The following RBFOX1 variants were observed in gnomAD, a reference collection of about 807,000 sequenced individuals.
RBFOX1 encodes RNA binding fox-1 homolog 1, also known as RNA binding protein fox-1 homolog 1.
In RBFOX1, 8 loss-of-function variants were observed where a neutral mutation model predicts 57.7. That is an observed-to-expected ratio of 0.14 (90% CI 0.08 to 0.25). RBFOX1 has a LOEUF of 0.25. Ranked by LOEUF, RBFOX1 falls within the 10% of genes least tolerant of loss-of-function variation. RBFOX1 has a pLI of 1.00. For missense variants in RBFOX1, 611 were observed against 548.5 expected (o/e 1.11, Z -1.14); for synonymous variants, 326 against 222.4 (o/e 1.47, Z -4.15).
intron 1 of RBFOX1, among the ~76,000 whole-genome samples, chr16:6,096,374 C>T (rs2096245560): frequency 1.3e-5 from 2 of 152,290 alleles, no homozygotes; most frequent in South Asian, 4.1e-4. Flanking sequence ...ATGTGCACCC[C>T]ACTATGTTTG....
chr16:7,048,999 C>T (rs1288252244), intron 3 of RBFOX1, among the ~76,000 whole-genome samples: 3 of 152,130 alleles, frequency 2.0e-5, no homozygotes, highest in Non-Finnish European at 4.4e-5. Flanking sequence ...GGGCAGTAGT[C>T]TATTCCTTAG....
In RBFOX1 at chr16:5,656,022, G is replaced by A. The variant is rs190515407; in HGVS notation, c.318+57061G>A. ...TCACAGTGTTGGACTTGTAGTACGT[G>A]CTCGTTAAAAGCTTGTGGAAAGATT... On this transcript the variant is annotated intron_variant, in intron 3 of 19. Coordinates refer to the RBFOX1 transcript ENST00000641259. Among the ~76,000 whole-genome samples the A allele has an allele frequency of 3.1e-3, 479 of 152,304 alleles. 1 individual carries two copies. The highest frequency in any genetic ancestry group is 5.2e-3 in the Non-Finnish European group (351 of 68,030).
intron 3 of RBFOX1, among the ~76,000 whole-genome samples, chr16:6,910,301 G>C (rs1050506253): frequency 6.6e-6 from 1 of 152,000 alleles, no homozygotes; most frequent in South Asian, 2.1e-4. Context: ...TGGGCACAGA[G>C]AATCTTTTTA....
At chr16:5,437,830 T>C (rs916086392) in intron 1 of RBFOX1, among the ~76,000 whole-genome samples, 18 of 152,216 alleles carry the variant, frequency 1.2e-4, no homozygotes, top group African/African-American at 4.1e-4. Flanking sequence ...TCTTCTTTCA[T>C]ATTAAAAATA....
At chr16:6,403,996 C>G (rs2093180104) in intron 2 of RBFOX1, among the ~76,000 whole-genome samples, 2 of 152,214 alleles carry the variant, frequency 1.3e-5, no homozygotes, top group Middle Eastern at 6.8e-3. Flanking sequence ...GCTGGCACTC[C>G]AATATCAAAC....
In RBFOX1 at chr16:7,579,767, G is replaced by C. The variant is rs753640443; in HGVS notation, c.271-10G>C. On this transcript the variant is annotated splice_polypyrimidine_tract_variant and intron_variant, in intron 5 of 15. Coordinates refer to ENST00000550418, the MANE Select transcript of RBFOX1 (RefSeq NM_018723.4). ...CTGAGAACCTCTTCGGTTTCTTCTTGTTCTTTTAGCAGACAGATGACGCAG... is the reference window on the plus strand; with the variant it reads ...CTGAGAACCTCTTCGGTTTCTTCTTCTTCTTTTAGCAGACAGATGACGCAG... The C allele has an allele frequency of 1.9e-6, 3 of 1,614,046 alleles. No homozygotes were observed. In the South Asian group the frequency reaches 3.3e-5, roughly 18 times the overall value.
chr16:5,817,868 T>G (rs2055699342), intron 3 of RBFOX1, among the ~76,000 whole-genome samples: 1 of 152,032 alleles, frequency 6.6e-6, no homozygotes, highest in South Asian at 2.1e-4. Flanking sequence ...TTTTTTGTAT[T>G]TTTAGTAGAG....
chr16:7,165,933 T>TACACACACAC (rs889669390), intron 4 of RBFOX1, among the ~76,000 whole-genome samples: 1,728 of 143,226 alleles, frequency 0.012, 18 homozygotes, highest in Non-Finnish European at 0.016. Context: ...CGCATGCACA[T>TACACACACAC]ACACACACAC....
chr16:7,033,788 C>G (rs572590455), intron 3 of RBFOX1, among the ~76,000 whole-genome samples: 1 of 152,126 alleles, frequency 6.6e-6, no homozygotes, highest in African/African-American at 2.4e-5. Context: ...AGTAACATAG[C>G]AAAACCTCAT....
chr16:5,633,316 C>T (rs1306074026), intron 3 of RBFOX1, among the ~76,000 whole-genome samples: 1 of 152,150 alleles, frequency 6.6e-6, no homozygotes, highest in Non-Finnish European at 1.5e-5. Flanking sequence ...CTTCTGGTTT[C>T]TTTTCTCATT....
intron 3 of RBFOX1, among the ~76,000 whole-genome samples, chr16:6,721,139 G>A (rs573209738): frequency 9.1e-4 from 138 of 152,190 alleles, no homozygotes; most frequent in South Asian, 2.3e-3. Context: ...TAAAGTACAC[G>A]TAACATAAAA....
intron 10 of RBFOX1, among the ~76,000 whole-genome samples, chr16:7,609,904 G>A (rs545166513): frequency 8.2e-4 from 125 of 151,824 alleles, no homozygotes; most frequent in African/African-American, 2.9e-3. Flanking sequence ...TGCAAGCTCT[G>A]CCTCCCGGGT....
At chr16:6,616,568 C>T (rs565505451) in intron 2 of RBFOX1, among the ~76,000 whole-genome samples, 12 of 152,220 alleles carry the variant, frequency 7.9e-5, no homozygotes, top group African/African-American at 2.6e-4. Flanking sequence ...CCCAGGTACT[C>T]AGGAGGCTGA....
At chr16:6,565,126 CAAAAAA>C (rs34624731) in intron 2 of RBFOX1, among the ~76,000 whole-genome samples, 1 of 98,254 alleles carries the variant, frequency 1.0e-5, no homozygotes, top group Admixed American at 1.0e-4. Context: ...ACTCTGTCTC[CAAAAAA>C]AAAAAAAAAA....
chr16:7,669,471 G>A (rs1040302769), intron 13 of RBFOX1, among the ~76,000 whole-genome samples: 2 of 152,330 alleles, frequency 1.3e-5, no homozygotes, highest in South Asian at 2.1e-4. Context: ...GAAAGAGTGA[G>A]AGGATATAGA....
Position 6,861,893 on chromosome 16 carries a change from G to A in RBFOX1, c.-15-190164G>A, listed in dbSNP as rs370920928. Among the ~76,000 whole-genome samples, 111 of 123,566 alleles carry A rather than the reference G, an allele frequency of 9.0e-4. 3 individuals are homozygous for A. The South Asian group carries it at 0.025, about 28-fold the overall frequency. 81.1% of individuals were successfully genotyped at this position (123,566 alleles called of 152,430 possible). A position where few individuals can be genotyped will look rare whatever the true frequency, so the allele number is the denominator to read the frequency against. On this transcript the variant is annotated intron_variant, in intron 3 of 15. Transcript: ENST00000550418. Reference sequence around the variant, plus strand: ...CACTTTCTCCCTGCCCAGAAATGTCGTTAACATTAACAAGAGCTCTCTCTG... The same window carrying A: ...CACTTTCTCCCTGCCCAGAAATGTCATTAACATTAACAAGAGCTCTCTCTG...
chr16:5,895,234 G>T (rs2058137329), intron 4 of RBFOX1, among the ~76,000 whole-genome samples: 1 of 152,210 alleles, frequency 6.6e-6, no homozygotes, highest in African/African-American at 2.4e-5. Context: ...AGTTGAGGCA[G>T]TTTCATGGGG....
intron 5 of RBFOX1, among the ~76,000 whole-genome samples, chr16:7,566,900 G>A (rs2091817655): frequency 6.6e-6 from 1 of 151,832 alleles, no homozygotes; most frequent in South Asian, 2.1e-4. Flanking sequence ...CCCAAAAGGT[G>A]GTCCACAGTT....
At chr16:7,655,044 CTG>C (rs1288322527) in intron 12 of RBFOX1, among the ~76,000 whole-genome samples, 2 of 152,112 alleles carry the variant, frequency 1.3e-5, no homozygotes, top group African/African-American at 4.8e-5. Flanking sequence ...GCATTTAAGA[CTG>C]TGTGAAAAGG....
Sources: allele counts gnomAD v4.1 joint callset (sites outside exome capture counted in the v4.1 genomes callset), GRCh38; gene constraint gnomAD v4.1.1; transcripts MANE v1.5; gene names NCBI Gene and HGNC (gene_info 2026-07-23, HGNC 2026-07-21).